SLC14A2: variants seen among roughly 807,000 people sequenced by gnomAD.
SLC14A2 encodes urea transporter 2.
In SLC14A2, 91 loss-of-function variants were observed where a neutral mutation model predicts 104.6. That is an observed-to-expected ratio of 0.87 (90% CI 0.73 to 1.04). The LOEUF is 1.04. SLC14A2 is among the 50% of genes least tolerant of loss of function. The pLI, the probability that SLC14A2 is intolerant of heterozygous loss-of-function variation, is 0.00. For synonymous variants in SLC14A2, 476 were observed against 466.4 expected (o/e 1.02, Z -0.27); for missense variants, 1,189 against 1,156.0 (o/e 1.03, Z -0.41).
At chr18:45,438,103 G>A (rs748784844) in intron 1 of SLC14A2, 8 of 152,186 alleles carry the variant, frequency 5.3e-5, no homozygotes, top group Non-Finnish European at 8.8e-5. Context: ...GACATGGAGA[G>A]GCAAAAATAA....
At chr18:45,270,475 A>T (rs1374223314) in intron 1 of SLC14A2, among the ~76,000 whole-genome samples, 1 of 152,064 alleles carries the variant, frequency 6.6e-6, no homozygotes, top group African/African-American at 2.4e-5. Flanking sequence ...AGAGCCATAA[A>T]ACTATAAATC....
At chr18:45,266,357 G>A (rs75266313) in intron 1 of SLC14A2, among the ~76,000 whole-genome samples, 2,607 of 152,158 alleles carry the variant, frequency 0.017, 73 homozygotes, top group African/African-American at 0.058. Context: ...CACTCACATT[G>A]CACTAAAGCC....
At chr18:45,239,579 C>T (rs2084289950) in intron 1 of SLC14A2, among the ~76,000 whole-genome samples, 1 of 152,212 alleles carries the variant, frequency 6.6e-6, no homozygotes, top group African/African-American at 2.4e-5. Context: ...AGGGCAGAGA[C>T]ACATGTTGTA....
intron 1 of SLC14A2, among the ~76,000 whole-genome samples, chr18:45,369,971 A>G (rs1364352482): frequency 6.6e-6 from 1 of 152,124 alleles, no homozygotes; most frequent in Non-Finnish European, 1.5e-5. Flanking sequence ...CCTAGACCAA[A>G]CTGGATCCTT....
chr18:45,604,513 G>A (rs972580932), intron 2 of SLC14A2, among the ~76,000 whole-genome samples: 3 of 152,130 alleles, frequency 2.0e-5, no homozygotes, highest in African/African-American at 7.2e-5. Context: ...AAATGCATCA[G>A]GAACATCAGT....
rs556972066 is a variant in SLC14A2, at chr18:45,542,958, C to CT, written c.-35+59644dup. On this transcript the variant is annotated intron_variant, in intron 2 of 20. Coordinates refer to the SLC14A2 transcript ENST00000586448. ...ATTTAATATTATTTAATATGCGTCT[C>CT]TTTTTTTTGAGATGGAGTCTCACCT... Among the ~76,000 whole-genome samples the CT allele has an allele frequency of 1.6e-3, 239 of 151,626 alleles. 2 individuals carry two copies. The highest frequency in any genetic ancestry group is 5.6e-3 in the African/African-American group (233 of 41,388).
At chr18:45,446,711 C>T (rs111812438) in intron 1 of SLC14A2, among the ~76,000 whole-genome samples, 1,728 of 152,318 alleles carry the variant, frequency 0.011, 24 homozygotes, top group Middle Eastern at 0.078. Flanking sequence ...CTTTCCCCAC[C>T]TCGCACAGGT....
intron 2 of SLC14A2, among the ~76,000 whole-genome samples, chr18:45,571,837 C>G (rs2044350412): frequency 1.3e-5 from 2 of 152,184 alleles, no homozygotes; most frequent in Admixed American, 6.5e-5. Context: ...AACATTTTCT[C>G]ATTGAGTAAA....
At chr18:45,307,837 A>G (rs978084021) in intron 1 of SLC14A2, among the ~76,000 whole-genome samples, 1 of 152,244 alleles carries the variant, frequency 6.6e-6, no homozygotes, top group Non-Finnish European at 1.5e-5. Flanking sequence ...TGTTGCCACA[A>G]ATACCTGCAG....
chr18:45,422,828 C>T (rs1475413795), intron 1 of SLC14A2, among the ~76,000 whole-genome samples: 1 of 152,184 alleles, frequency 6.6e-6, no homozygotes, highest in Non-Finnish European at 1.5e-5. Flanking sequence ...CCTCTGTCTT[C>T]CCTTTCTGAG....
At chr18:45,291,504 C>T (rs181147265) in intron 1 of SLC14A2, among the ~76,000 whole-genome samples, 7 of 152,242 alleles carry the variant, frequency 4.6e-5, no homozygotes, top group East Asian at 1.9e-4. Flanking sequence ...CCCCTGGTTA[C>T]GCAGAAGCTC....
chr18:45,605,396 G>A (rs1187916477), intron 2 of SLC14A2, among the ~76,000 whole-genome samples: 1 of 152,032 alleles, frequency 6.6e-6, no homozygotes, highest in Non-Finnish European at 1.5e-5. Flanking sequence ...TGGAGAAGAG[G>A]GTGAAGATGC....
chr18:45,424,284 G>A (rs183550438), intron 1 of SLC14A2: 13 of 152,196 alleles, frequency 8.5e-5, no homozygotes, highest in African/African-American at 2.4e-4. Context: ...ATGACTTTTC[G>A]GAGCCTCCAT....
intron 1 of SLC14A2, among the ~76,000 whole-genome samples, chr18:45,380,643 C>T (rs1255140753): frequency 1.3e-5 from 2 of 152,086 alleles, no homozygotes; most frequent in African/African-American, 4.8e-5. Flanking sequence ...TTGTTTTTGT[C>T]AGTGTTTAGA....
At chr18:45,264,758 G>C (rs1392825783) in intron 1 of SLC14A2, among the ~76,000 whole-genome samples, 1 of 152,106 alleles carries the variant, frequency 6.6e-6, no homozygotes, top group African/African-American at 2.4e-5. Flanking sequence ...ATCTCCCACG[G>C]GGTCCGTCCC....
At chr18:45,218,468 C>T (rs781198625) in intron 1 of SLC14A2, among the ~76,000 whole-genome samples, 9 of 152,218 alleles carry the variant, frequency 5.9e-5, no homozygotes, top group Non-Finnish European at 1.3e-4. Flanking sequence ...TATATGCATG[C>T]TAGTATTTTT....
intron 2 of SLC14A2, among the ~76,000 whole-genome samples, chr18:45,544,791 T>A (rs1051424915): frequency 4.1e-5 from 6 of 145,014 alleles, no homozygotes; most frequent in Non-Finnish European, 7.6e-5. Flanking sequence ...AATGTCTTTT[T>A]TTTTTTTTTT....
chr18:45,642,115 C>T (rs117925057), intron 8 of SLC14A2, among the ~76,000 whole-genome samples: 1 of 152,204 alleles, frequency 6.6e-6, no homozygotes, highest in Non-Finnish European at 1.5e-5. Context: ...AGCTTGCCAC[C>T]AGCTCTCCTC....
chr18:45,414,938 G>C lies in SLC14A2; in HGVS notation c.-124-68295G>C, dbSNP rs552153289. Among the ~76,000 whole-genome samples the C allele has an allele frequency of 4.6e-5, 7 of 151,276 alleles. 1 individual carries two copies. The highest frequency in any genetic ancestry group is 2.0e-4 in the Admixed American group (3 of 15,160). ...TGTTAATTTATTTTCAGCAGAGTCC[G>C]ATCAGCTTCTTTGCATGAAAGTCTA... On this transcript the variant is annotated intron_variant, in intron 1 of 20. Coordinates refer to the SLC14A2 transcript ENST00000586448.
Sources: gnomAD v4.1 joint callset for allele counts (sites outside exome capture counted in the v4.1 genomes callset) on GRCh38, gnomAD v4.1.1 for gene constraint, MANE v1.5 for transcripts, NCBI Gene and HGNC (gene_info 2026-07-23, HGNC 2026-07-21) for gene names.